The following KL variants were observed in gnomAD, a reference collection of about 807,000 sequenced individuals.
KL encodes klotho, also known as alpha-klotho.
A neutral mutation model predicts 84.2 loss-of-function variants in KL; 62 were observed. The ratio of observed to expected loss-of-function variants is 0.74; its 90% confidence interval spans 0.60 to 0.91. The LOEUF is 0.91. Among genes scored for constraint, KL ranks in the 40% least tolerant of loss-of-function variants. The probability of loss-of-function intolerance (pLI) is 0.00; values close to 1 mark genes in which losing one functional copy is unlikely to be tolerated. For missense variants in KL, 1,261 were observed against 1,305.7 expected (o/e 0.97, Z 0.53); for synonymous variants, 528 against 528.0 (o/e 1.00, Z 0.00).
At chr13:33,032,468 C>A (rs547060069) in intron 1 of KL, among the ~76,000 whole-genome samples, 16 of 152,214 alleles carry the variant, frequency 1.1e-4, no homozygotes, top group Non-Finnish European at 2.4e-4. Context: ...ACCAGAGCAT[C>A]TCTGTTGGCC....
chr13:33,043,092 A>G (rs1593800250), intron 1 of KL, among the ~76,000 whole-genome samples: 1 of 152,362 alleles, frequency 6.6e-6, no homozygotes, highest in Non-Finnish European at 1.5e-5. Context: ...AACTTGCTAG[A>G]TTATAGAGAA....
chr13:33,060,350 C>T (rs1385933688), intron 3 of KL, among the ~76,000 whole-genome samples: 1 of 152,004 alleles, frequency 6.6e-6, no homozygotes, highest in East Asian at 1.9e-4. Flanking sequence ...AAGAAAAACA[C>T]CCAAAAATAC....
At position 33,016,599 on chromosome 13, in the gene KL, C is replaced by T. The variant is rs1223347551; in HGVS notation, c.159C>T (p.Ala53=). ...TCTCGCGGCCTCCTGCCCCCGAGGC[C>T]GCGGGCCTCTTCCAGGGCACCTTCC... ...ARFSRPPAPE[A]AGLFQGTFPD... Residue 53 remains alanine, a synonymous_variant, in exon 1 of 5, where the codon GCC becomes GCT. Transcript: ENST00000380099. The T allele has an allele frequency of 2.0e-6, 3 of 1,511,984 alleles. No individual in the cohort carries two copies. Among genetic ancestry groups the T allele is most frequent in the African/African-American group, 1.4e-5 (1 of 71,250 alleles). 93.7% of individuals were successfully genotyped at this position (1,511,984 alleles called of 1,614,324 possible). A position where few individuals can be genotyped will look rare whatever the true frequency, so the allele number is the denominator to read the frequency against.
chr13:33,056,771 A>C (rs762566226), intron 3 of KL, among the ~76,000 whole-genome samples: 10 of 151,658 alleles, frequency 6.6e-5, no homozygotes, highest in Non-Finnish European at 8.8e-5. Context: ...GCGCCACTGC[A>C]CTCCAGCCTG....
intron 1 of KL, among the ~76,000 whole-genome samples, chr13:33,029,758 C>T (rs748732414): frequency 1.6e-4 from 25 of 152,130 alleles, no homozygotes; most frequent in African/African-American, 4.6e-4. Flanking sequence ...CTCAGCCTCC[C>T]GAGTAGCTGG....
chr13:33,055,371 T>C (rs1871920459), intron 3 of KL, 56 bp downstream of exon 3: 1 of 1,605,346 alleles, frequency 6.2e-7, no homozygotes, highest in East Asian at 2.2e-5. Context: ...CACTAGTAAG[T>C]AGTGCTTCCT....
At chr13:33,054,993 A>C in intron 2 of KL, 54 bp from the exon 3 acceptor site, 1 of 1,611,708 alleles carries the variant, frequency 6.2e-7, no homozygotes, top group Non-Finnish European at 8.5e-7. Flanking sequence ...TTGAACCATG[A>C]TGCAAGTGCC....
At chr13:33,019,544 G>A (rs926778359) in intron 1 of KL, among the ~76,000 whole-genome samples, 3 of 152,044 alleles carry the variant, frequency 2.0e-5, no homozygotes, top group African/African-American at 7.2e-5. Flanking sequence ...CCCCTGGGAT[G>A]ATGGGAAGCT....
intron 1 of KL, among the ~76,000 whole-genome samples, chr13:33,025,773 C>A (rs986556247): frequency 2.6e-5 from 4 of 152,120 alleles, no homozygotes; most frequent in Non-Finnish European, 5.9e-5. Flanking sequence ...GTCACCTTAC[C>A]GCGGACTCAA....
rs1220436370 is a variant in KL at position 33,017,016 on chromosome 13, C to T, written c.576C>T (p.Tyr192=). 2 of 1,595,940 alleles carry T rather than the reference C, an allele frequency of 1.3e-6. No individual in the cohort carries two copies. The highest frequency in any genetic ancestry group is 1.7e-6 in the Non-Finnish European group (2 of 1,175,168). The change falls in exon 1 of 5, where the codon TAC becomes TAT. Residue 192 remains tyrosine, a synonymous_variant. Transcript: ENST00000380099. ...ELGVQPVVTL[Y]HWDLPQRLQD... The stretch of plus-strand genomic sequence containing the variant: ...GCGTGCAGCCCGTGGTCACCCTGTA[C>T]CACTGGGACCTGCCCCAGCGCCTGC...
At chr13:33,029,657 G>A (rs542881962) in intron 1 of KL, among the ~76,000 whole-genome samples, 35 of 152,028 alleles carry the variant, frequency 2.3e-4, no homozygotes, top group African/African-American at 6.5e-4. Flanking sequence ...TTTTTGAGAC[G>A]GAGTCTTGCT....
chr13:33,026,020 C>T (rs558223718), intron 1 of KL, among the ~76,000 whole-genome samples: 2 of 152,280 alleles, frequency 1.3e-5, no homozygotes, highest in East Asian at 3.9e-4. Context: ...TGTTGGTACG[C>T]TTATACAGTG....
chr13:33,061,870 C>A, intron 4 of KL, 90 bp downstream of exon 4: 2 of 1,340,250 alleles, frequency 1.5e-6, no homozygotes, highest in Non-Finnish European at 2.1e-6. Flanking sequence ...ACACACACTG[C>A]CACCCTTGGA....
chr13:33,050,401 G>T (rs1255249128), intron 1 of KL, among the ~76,000 whole-genome samples: 2 of 152,184 alleles, frequency 1.3e-5, no homozygotes, highest in Non-Finnish European at 2.9e-5. Flanking sequence ...TATTTAATCT[G>T]TCAAATGTAC....
At chr13:33,044,326 A>G (rs569130788) in intron 1 of KL, among the ~76,000 whole-genome samples, 1 of 152,198 alleles carries the variant, frequency 6.6e-6, no homozygotes, top group African/African-American at 2.4e-5. Context: ...TATTGTATAT[A>G]TTTTAGAATC....
intron 3 of KL, among the ~76,000 whole-genome samples, chr13:33,060,261 A>C (rs1011419013): frequency 6.6e-6 from 1 of 152,158 alleles, no homozygotes; most frequent in Non-Finnish European, 1.5e-5. Context: ...CTCACATTTT[A>C]AGTTTTTTCT....
chr13:33,061,945 G>C (rs1387692005), intron 4 of KL, among the ~76,000 whole-genome samples, 165 bp downstream of exon 4: 1 of 152,140 alleles, frequency 6.6e-6, no homozygotes, highest in Non-Finnish European at 1.5e-5. Flanking sequence ...TTTCCCCAAG[G>C]ATAAAGGAGT....
chr13:33,041,527 C>CTT (rs1871338968), intron 1 of KL, among the ~76,000 whole-genome samples: 1 of 152,052 alleles, frequency 6.6e-6, no homozygotes, highest in Non-Finnish European at 1.5e-5. Flanking sequence ...ATTCTAAGTG[C>CTT]TTTCCATGTA....
At chr13:33,052,136 T>C (rs1319172547) in intron 1 of KL, among the ~76,000 whole-genome samples, 1 of 152,150 alleles carries the variant, frequency 6.6e-6, no homozygotes, top group Non-Finnish European at 1.5e-5. Flanking sequence ...TTTGGATTTT[T>C]TGGTAGAAAT....
Sources: allele counts gnomAD v4.1 joint callset (sites outside exome capture counted in the v4.1 genomes callset), GRCh38; gene constraint gnomAD v4.1.1; transcripts MANE v1.5; gene names NCBI Gene and HGNC (gene_info 2026-07-23, HGNC 2026-07-21).